The following SLC9B1 variants were observed in gnomAD, a reference collection of about 807,000 sequenced individuals.
The protein encoded by SLC9B1 is solute carrier family 9 member B1.
In SLC9B1, 32 loss-of-function variants were observed where a neutral mutation model predicts 51.7. The ratio of observed to expected loss-of-function variants is 0.62; its 90% CI spans 0.47 to 0.83. The LOEUF is 0.83. Among genes scored for constraint, SLC9B1 ranks in the 40% least tolerant of loss-of-function variants. The pLI is 0.00. For missense variants in SLC9B1, 406 were observed against 613.2 expected (o/e 0.66, Z 3.57); for synonymous variants, 145 against 212.7 (o/e 0.68, Z 2.77).
In SLC9B1 at chr4:102,947,563, G is replaced by A. The variant is rs532023048; in HGVS notation, c.383-774C>T. ...AAGACAAGGTCTGCTATATTGCCCA[G>A]GCTGGTTTTGAACTCCTGGGCTCAG... On this transcript the variant is annotated intron_variant, in intron 4 of 11. Coordinates refer to ENST00000296422, the MANE Select transcript of SLC9B1 (RefSeq NM_139173.4). 5.9e-5 allele frequency among the ~76,000 whole-genome samples: 9 copies of A among 152,258 alleles called. No homozygotes were observed. In the East Asian group the frequency reaches 1.5e-3, roughly 26 times the overall value.
intron 3 of SLC9B1, among the ~76,000 whole-genome samples, chr4:102,958,779 C>A (rs36038787): frequency 6.6e-6 from 1 of 151,900 alleles, no homozygotes; most frequent in East Asian, 1.9e-4. Context: ...AAAAATTAGC[C>A]GGGCATGGTG....
At chr4:102,897,817 A>C, downstream of SLC9B1, 1 of 432,862 alleles carries the variant, frequency 2.3e-6, no homozygotes, top group Non-Finnish European at 4.5e-6. Flanking sequence ...CACATTCTGC[A>C]GTTGCCGCTA....
intron 9 of SLC9B1, among the ~76,000 whole-genome samples, chr4:102,909,110 G>A (rs1201008129): frequency 1.3e-5 from 2 of 152,272 alleles, no homozygotes; most frequent in East Asian, 3.9e-4. Context: ...TGTTGGCAGA[G>A]TGTAAATAAC....
At chr4:102,925,658 C>T (rs569410148) in intron 7 of SLC9B1, among the ~76,000 whole-genome samples, 1 of 129,568 alleles carries the variant, frequency 7.7e-6, no homozygotes, top group Non-Finnish European at 1.6e-5. Context: ...AAAATATCAA[C>T]ATTGAAAACA....
chr4:102,987,988 C>A (rs1474066541), intron 3 of SLC9B1, among the ~76,000 whole-genome samples: 1 of 152,070 alleles, frequency 6.6e-6, no homozygotes, highest in Non-Finnish European at 1.5e-5. Flanking sequence ...AATCTCCTTA[C>A]GTGTAGAACT....
At chr4:102,895,366 A>G (rs6830407) in intron 11 of SLC9B1, among the ~76,000 whole-genome samples, 87,448 of 151,994 alleles carry the variant, frequency 0.58, 26,451 homozygotes, top group African/African-American at 0.78. Flanking sequence ...GGAGAGAAGC[A>G]GAAGAGAAAG....
chr4:102,902,504 G>T (rs1312589592), intron 11 of SLC9B1, among the ~76,000 whole-genome samples: 1 of 151,972 alleles, frequency 6.6e-6, no homozygotes, highest in Non-Finnish European at 1.5e-5. Flanking sequence ...AAGAGGATTT[G>T]AACATAAAAG....
intron 3 of SLC9B1, among the ~76,000 whole-genome samples, chr4:102,968,290 A>T (rs1306379997): frequency 6.6e-6 from 1 of 152,226 alleles, no homozygotes; most frequent in Non-Finnish European, 1.5e-5. Flanking sequence ...ATAACTGGTT[A>T]TTCATTTACA....
chr4:102,922,600 A>C (rs1735936675), intron 7 of SLC9B1, among the ~76,000 whole-genome samples: 1 of 152,190 alleles, frequency 6.6e-6, no homozygotes, highest in South Asian at 2.1e-4. Context: ...ACCCTTCAAA[A>C]AGTCAATGAA....
At chr4:102,941,586 G>A in intron 6 of SLC9B1, 1 of 427,460 alleles carries the variant, frequency 2.3e-6, no homozygotes, top group South Asian at 1.6e-5. Flanking sequence ...GTTGCAGTGA[G>A]CTGAGATTGG....
chr4:102,896,340 T>C (rs191291793), downstream of SLC9B1, among the ~76,000 whole-genome samples: 162 of 152,336 alleles, frequency 1.1e-3, 1 homozygote, highest in African/African-American at 3.8e-3. Context: ...AGCCCATGTG[T>C]GCTTCTGTCA....
chr4:102,924,664 A>G (rs1459799598), intron 7 of SLC9B1, among the ~76,000 whole-genome samples: 2 of 152,206 alleles, frequency 1.3e-5, no homozygotes, highest in East Asian at 3.8e-4. Context: ...CCCATCTGAC[A>G]AAGGGCTAAT....
chr4:102,897,201 C>A (rs1245223255), downstream of SLC9B1: 1 of 153,238 alleles, frequency 6.5e-6, no homozygotes, highest in Non-Finnish European at 1.5e-5. Context: ...TATAGGATCA[C>A]CAGATAACAA....
chr4:102,934,763 C>CAAAAAAA (rs772664880), intron 6 of SLC9B1, among the ~76,000 whole-genome samples: 1 of 115,584 alleles, frequency 8.7e-6, no homozygotes, highest in African/African-American at 3.0e-5. Flanking sequence ...GACTCTGTCA[C>CAAAAAAA]AAAAAAAAAA....
At chr4:102,921,963 G>C (rs1257720045) in intron 7 of SLC9B1, among the ~76,000 whole-genome samples, 1 of 152,142 alleles carries the variant, frequency 6.6e-6, no homozygotes, top group Non-Finnish European at 1.5e-5. Flanking sequence ...ATAATAATGG[G>C]AGAATTTCAC....
At chr4:102,919,118 G>C (rs1042432589) in intron 7 of SLC9B1, among the ~76,000 whole-genome samples, 10 of 152,184 alleles carry the variant, frequency 6.6e-5, no homozygotes, top group African/African-American at 2.4e-4. Context: ...GTGACGGGAG[G>C]GGCTGTTGTG....
intron 11 of SLC9B1, chr4:102,887,754 TCC>T (rs1332490040): frequency 5.4e-6 from 1 of 186,316 alleles, no homozygotes; most frequent in Non-Finnish European, 1.1e-5. Context: ...TATTTAAAAT[TCC>T]CACCTACATT....
At chr4:102,900,406 CTTTT>C (rs1315579150), downstream of SLC9B1, among the ~76,000 whole-genome samples, 101 of 152,278 alleles carry the variant, frequency 6.6e-4, 1 homozygote, top group Middle Eastern at 3.4e-3. Context: ...TGGAGGCTGC[CTTTT>C]ATGCCTAGAT....
chr4:102,927,969 C>T (rs1485920937), intron 7 of SLC9B1, among the ~76,000 whole-genome samples: 1 of 151,592 alleles, frequency 6.6e-6, no homozygotes, highest in Non-Finnish European at 1.5e-5. Context: ...GCAAAACTAT[C>T]ACAAGGACAG....
Sources: gnomAD v4.1 joint callset for allele counts (sites outside exome capture counted in the v4.1 genomes callset) on GRCh38, gnomAD v4.1.1 for gene constraint, MANE v1.5 for transcripts, NCBI Gene and HGNC (gene_info 2026-07-23, HGNC 2026-07-21) for gene names.